Variants in PGM5 observed in about 807,000 individuals in gnomAD.
PGM5 encodes phosphoglucomutase-like protein 5.
PGM5 carries 23 observed loss-of-function variants against 59.2 expected under a neutral mutation model. The ratio of observed to expected loss-of-function variants is 0.39; its 90% CI spans 0.28 to 0.55. PGM5 has a LOEUF of 0.55. Ranked by LOEUF, PGM5 falls within the 20% of genes least tolerant of loss-of-function variation. PGM5 has a pLI of 0.66. For synonymous variants in PGM5, 214 were observed against 286.0 expected (o/e 0.75, Z 2.54); for missense variants, 574 against 748.3 (o/e 0.77, Z 2.72).
intron 6 of PGM5, among the ~76,000 whole-genome samples, chr9:68,439,166 C>A (rs1295308794): frequency 2.0e-5 from 3 of 151,902 alleles, no homozygotes; most frequent in African/African-American, 7.3e-5. Context: ...AGTTCAAGGC[C>A]AGCCTAGGCA....
rs372838918 is a variant in PGM5 at position 68,465,126 on chromosome 9, G to A, written c.1077G>A (p.Glu359=). The A allele has an allele frequency of 8.1e-6, 13 of 1,612,734 alleles. No homozygotes were observed. The highest frequency in any genetic ancestry group is 2.7e-5 in the African/African-American group (2 of 74,986). Residue 359 remains glutamate (E), a synonymous_variant, in exon 7 of 11, where the codon GAG becomes GAA. Transcript: ENST00000396396. ...VAKSMKVPVY[E]TPAGWRFFSN... is the part of the protein sequence containing the mutation. ...AATCAATGAAGGTCCCTGTATATGA[G>A]ACCCCAGCTGGATGGAGATTCTTCT...
rs559593446 is a variant in PGM5 at position 68,439,997 on chromosome 9, T to C, written c.1044-25096T>C. Among the ~76,000 whole-genome samples, 30 of 152,336 alleles carry C rather than the reference T, an allele frequency of 2.0e-4. 1 individual carries two copies. In the East Asian group the frequency reaches 5.0e-3, roughly 25 times the overall value. On this transcript the variant is annotated intron_variant, in intron 6 of 10. Transcript: ENST00000396396. ...GCAAAGTCTTTGAAAACTGAAATCA[T>C]GTTGGGTCAGTTTACCAAAAAGATC...
chr9:68,465,015 A>G (rs1156526625), intron 6 of PGM5, 78 bp from the exon 7 acceptor site: 2 of 860,196 alleles, frequency 2.3e-6, no homozygotes, highest in African/African-American at 3.4e-5. Flanking sequence ...GTAGATCCTA[A>G]AGACTTCCTA....
intron 7 of PGM5, among the ~76,000 whole-genome samples, chr9:68,469,511 G>C (rs563094946): frequency 1.3e-5 from 2 of 152,324 alleles, no homozygotes; most frequent in South Asian, 2.1e-4. Context: ...AGTACAGCCT[G>C]GTGCTCTTGA....
chr9:68,371,600 T>A (rs553998725), intron 1 of PGM5: 1 of 152,328 alleles, frequency 6.6e-6, no homozygotes, highest in South Asian at 2.1e-4. Context: ...CTCTTCTTTC[T>A]TGGCTTTTCA....
chr9:68,370,522 G>A (rs1821665676), intron 1 of PGM5, among the ~76,000 whole-genome samples: 1 of 152,146 alleles, frequency 6.6e-6, no homozygotes, highest in African/African-American at 2.4e-5. Context: ...AACTAGTTTA[G>A]GAAAGAAGCT....
intron 6 of PGM5, among the ~76,000 whole-genome samples, chr9:68,423,128 T>A (rs1233412497): frequency 6.6e-6 from 1 of 152,224 alleles, no homozygotes; most frequent in Non-Finnish European, 1.5e-5. Context: ...CGTTGATTGA[T>A]GGGCATTTGG....
chr9:68,433,352 G>A lies in PGM5; in HGVS notation c.1044-31741G>A, dbSNP rs1283196043. 2.6e-5 allele frequency among the ~76,000 whole-genome samples: 4 copies of A among 152,234 alleles called. No individual in the cohort carries two copies. The South Asian group carries it at 8.3e-4, about 32-fold the overall frequency. On this transcript the variant is annotated intron_variant, in intron 6 of 10. Coordinates refer to ENST00000396396, the MANE Select transcript of PGM5 (RefSeq NM_021965.4). ...AGCCTTTACCTTTACAAATTGATTT[G>A]CCCAATTTCAGAGAATTATTTAGGG...
intron 6 of PGM5, among the ~76,000 whole-genome samples, chr9:68,426,340 T>C (rs1196736382): frequency 6.6e-6 from 1 of 152,076 alleles, no homozygotes; most frequent in East Asian, 1.9e-4. Flanking sequence ...GGAAAATATA[T>C]AAAAGACTCT....
chr9:68,483,884 G>A lies in PGM5; in HGVS notation c.1315G>A (p.Asp439Asn). 1 of 1,614,104 alleles carries A rather than the reference G, an allele frequency of 6.2e-7. No homozygotes were observed. The highest frequency in any genetic ancestry group is 8.5e-7 in the Non-Finnish European group (1 of 1,179,996). ...CACCAGGTTTGACTATGAGGGGTTG[G>A]ATCCCAAGACGACATATTATATCAT... is the stretch of plus-strand genomic sequence containing the variant. ...YYCRFDYEGL[D>N]PKTTYYIMRD... Residue 439 changes from aspartate (D) to asparagine (N), a missense_variant, in exon 9 of 11, where the codon GAT becomes AAT. Around this residue, in one of 7 missense-constraint regions of PGM5, gnomAD observed 300 missense variants for 280.0 expected, o/e 1.07. Coordinates refer to ENST00000396396, the MANE Select transcript of PGM5 (RefSeq NM_021965.4).
chr9:68,489,469 CTT>C (rs797028640), intron 9 of PGM5, among the ~76,000 whole-genome samples: 8 of 135,492 alleles, frequency 5.9e-5, no homozygotes, highest in Non-Finnish European at 7.9e-5. Context: ...TTTTTCTTTT[CTT>C]TTTTTTTTTT....
chr9:68,360,447 T>C (rs1554676204), intron 1 of PGM5, among the ~76,000 whole-genome samples: 4 of 150,906 alleles, frequency 2.7e-5, no homozygotes, highest in South Asian at 2.1e-4. Flanking sequence ...TTGGGAGAGC[T>C]ATGGCAGCTC....
At chr9:68,484,368 T>G (rs1366906029) in intron 9 of PGM5, among the ~76,000 whole-genome samples, 1 of 140,986 alleles carries the variant, frequency 7.1e-6, no homozygotes, top group African/African-American at 2.8e-5. Flanking sequence ...GACCCCCATC[T>G]CTACCAAAAA....
chr9:68,441,788 G>A lies in PGM5; in HGVS notation c.1044-23305G>A, dbSNP rs1325666925. Among the ~76,000 whole-genome samples the A allele has an allele frequency of 4.6e-5, 7 of 151,938 alleles. No individual in the cohort carries two copies. The East Asian group carries it at 1.3e-3, about 29-fold the overall frequency. ...AGAAAAGGAATTAAAAGGCATATAG[G>A]GTGAAAAGGAAAAAAAATATGGATT... is the stretch of plus-strand genomic sequence containing the variant. On this transcript the variant is annotated intron_variant, in intron 6 of 10. Coordinates refer to ENST00000396396, the MANE Select transcript of PGM5 (RefSeq NM_021965.4).
chr9:68,373,383 A>G (rs1821790616), intron 1 of PGM5, among the ~76,000 whole-genome samples: 1 of 152,122 alleles, frequency 6.6e-6, no homozygotes, highest in Admixed American at 6.6e-5. Flanking sequence ...TAATTCTCCA[A>G]TTATAACTAA....
At chr9:68,444,627 C>T (rs1823582907) in intron 6 of PGM5, among the ~76,000 whole-genome samples, 1 of 149,438 alleles carries the variant, frequency 6.7e-6, no homozygotes, top group Non-Finnish European at 1.5e-5. Context: ...AGTTGAGTCG[C>T]ATGCCCACTC....
At chr9:68,507,512 C>A (rs542833772) in intron 10 of PGM5, among the ~76,000 whole-genome samples, 3 of 151,820 alleles carry the variant, frequency 2.0e-5, no homozygotes, top group South Asian at 4.2e-4. Flanking sequence ...AAAACAGGGG[C>A]AAGAGTAGAA....
intron 10 of PGM5, among the ~76,000 whole-genome samples, chr9:68,513,270 T>C (rs1554689520): frequency 6.6e-6 from 1 of 152,254 alleles, no homozygotes; most frequent in Non-Finnish European, 1.5e-5. Context: ...TTGAACTCCA[T>C]AGCTTTTGAT....
At chr9:68,402,303 A>G (rs1327623493) in intron 6 of PGM5, 10 of 152,270 alleles carry the variant, frequency 6.6e-5, no homozygotes, top group African/African-American at 2.2e-4. Flanking sequence ...TATTTTATAT[A>G]AACTATACCT....
Sources: allele counts gnomAD v4.1 joint callset (sites outside exome capture counted in the v4.1 genomes callset), GRCh38; gene constraint gnomAD v4.1.1; regional missense constraint gnomAD v4.1.1; transcripts MANE v1.5; gene names NCBI Gene and HGNC (gene_info 2026-07-23, HGNC 2026-07-21).